Variants in ASIP observed in about 807,000 individuals in gnomAD.
ASIP encodes the protein agouti signaling protein, also known as agouti-signaling protein.
Under a neutral mutation model 10.3 loss-of-function variants are expected in ASIP, and 11 were observed. That is an observed-to-expected ratio of 1.07 (90% confidence interval 0.68 to 1.78). ASIP has a LOEUF of 1.78. Among genes scored for constraint, ASIP ranks in the 40% most tolerant of loss-of-function variants. The probability of loss-of-function intolerance (pLI) is 0.00; values close to 1 mark genes in which losing one functional copy is unlikely to be tolerated. For missense variants in ASIP, 180 were observed against 169.2 expected, an observed-to-expected ratio of 1.06 and a Z score of -0.35; for synonymous variants, 70 against 70.8, an observed-to-expected ratio of 0.99 and a Z score of 0.06.
At chr20:34,251,959 A>G (rs1254392342) in intron 1 of ASIP, among the ~76,000 whole-genome samples, 1 of 152,220 alleles carries the variant, frequency 6.6e-6, no homozygotes, top group Non-Finnish European at 1.5e-5. Context: ...CACCCAGTCT[A>G]TGATATTTTG....
intron 1 of ASIP, among the ~76,000 whole-genome samples, chr20:34,220,066 G>A (rs143410995): frequency 0.02 from 2,983 of 152,112 alleles, 103 homozygotes; most frequent in African/African-American, 0.068. Context: ...CTCCAGCCTG[G>A]GCGACAGAGC....
intron 1 of ASIP, among the ~76,000 whole-genome samples, chr20:34,206,385 T>G (rs766790434): frequency 2.6e-5 from 4 of 152,196 alleles, no homozygotes; most frequent in Non-Finnish European, 5.9e-5. Context: ...ACCATTCCAT[T>G]CACTACCTTT....
At chr20:34,254,869 A>G (rs2035541912) in intron 1 of ASIP, among the ~76,000 whole-genome samples, 2 of 152,056 alleles carry the variant, frequency 1.3e-5, no homozygotes, top group Admixed American at 1.3e-4. Flanking sequence ...CTTTCTCCCT[A>G]TTATACCCAA....
intron 1 of ASIP, among the ~76,000 whole-genome samples, chr20:34,205,158 G>C (rs976242092): frequency 6.6e-6 from 1 of 152,208 alleles, no homozygotes; most frequent in Non-Finnish European, 1.5e-5. Context: ...TGGTGTGTCC[G>C]GAGTTTGTTC....
intron 1 of ASIP, among the ~76,000 whole-genome samples, chr20:34,206,316 C>T (rs1442373760): frequency 6.6e-6 from 1 of 152,134 alleles, no homozygotes; most frequent in Non-Finnish European, 1.5e-5. Context: ...TTTTTGTATT[C>T]ATTAACCAAC....
At position 34,218,298 on chromosome 20, in the gene ASIP, G is replaced by A. The variant is rs79454833; in HGVS notation, c.-11+23538G>A. Among the ~76,000 whole-genome samples the A allele has an allele frequency of 4.5e-4, 69 of 152,276 alleles. No homozygotes were observed. In the East Asian group the frequency reaches 9.6e-3, roughly 21 times the overall value. ...AAAAACTCCCACAAATCCTCAGATT[G>A]GAATGACAGAGCCCACAAGCAGGAT... On this transcript the variant is annotated intron_variant, in intron 1 of 3. Coordinates refer to the ASIP transcript ENST00000568305.
chr20:34,220,038 C>T (rs1427446320), intron 1 of ASIP, among the ~76,000 whole-genome samples: 3 of 151,692 alleles, frequency 2.0e-5, no homozygotes, highest in Admixed American at 1.3e-4. Context: ...TGCAGTGAGC[C>T]GAGATCGTGC....
At chr20:34,227,408 G>A (rs746583750) in intron 1 of ASIP, among the ~76,000 whole-genome samples, 39 of 152,082 alleles carry the variant, frequency 2.6e-4, no homozygotes, top group Non-Finnish European at 4.4e-4. Context: ...CGAGGCAGGC[G>A]GATCACGAGG....
rs187637909 is a variant in ASIP, at chr20:34,259,049, T to A, written c.-10-1316T>A. 5.4e-3 allele frequency among the ~76,000 whole-genome samples: 800 copies of A among 148,506 alleles called. 5 individuals carry two copies. The highest frequency in any genetic ancestry group is 0.018 in the African/African-American group (727 of 40,384). ...GAGCCTTCATCCCTACAAAAAAAAA[T>A]TTTTTTTTAAATTAGCCAGGTGTGT... is the stretch of plus-strand genomic sequence containing the variant. On this transcript the variant is annotated intron_variant, in intron 1 of 3. Coordinates refer to ENST00000374954, the MANE Select transcript of ASIP (RefSeq NM_001672.3).
At chr20:34,257,203 C>T (rs1366562827) in intron 1 of ASIP, among the ~76,000 whole-genome samples, 1 of 152,004 alleles carries the variant, frequency 6.6e-6, no homozygotes, top group African/African-American at 2.4e-5. Context: ...CCTGCCTCAG[C>T]CTCCTGAGTA....
At chr20:34,201,030 T>C (rs1223773226) in intron 1 of ASIP, among the ~76,000 whole-genome samples, 1 of 98,478 alleles carries the variant, frequency 1.0e-5, no homozygotes, top group African/African-American at 5.4e-5. Flanking sequence ...CTTTCTTTCT[T>C]TCTTTCTTTC....
At chr20:34,244,813 T>C (rs1263968130) in intron 1 of ASIP, among the ~76,000 whole-genome samples, 2 of 152,196 alleles carry the variant, frequency 1.3e-5, no homozygotes, top group African/African-American at 4.8e-5. Flanking sequence ...CAGTATGTTA[T>C]TGTGCCCGTA....
chr20:34,215,423 C>T (rs2035001028), intron 1 of ASIP: 1 of 1,535,206 alleles, frequency 6.5e-7, no homozygotes, highest in Non-Finnish European at 9.0e-7. Flanking sequence ...TGCACCACAT[C>T]ACGATCCACC....
At chr20:34,215,502 TGA>T in intron 1 of ASIP, 1 of 1,532,142 alleles carries the variant, frequency 6.5e-7, no homozygotes, top group Non-Finnish European at 9.0e-7. Flanking sequence ...GGTCCACTAC[TGA>T]GAGAATGTCA....
At chr20:34,215,633 A>C in intron 1 of ASIP, 1 of 1,482,034 alleles carries the variant, frequency 6.7e-7, no homozygotes, top group Non-Finnish European at 9.4e-7. Flanking sequence ...CTGAGCTTGC[A>C]GCCATGATAT....
intron 1 of ASIP, among the ~76,000 whole-genome samples, chr20:34,212,636 A>G (rs1157523623): frequency 6.6e-6 from 1 of 152,142 alleles, no homozygotes; most frequent in Non-Finnish European, 1.5e-5. Context: ...ATCTCCTTTA[A>G]TCTGGAGCAG....
intron 1 of ASIP, among the ~76,000 whole-genome samples, chr20:34,211,667 T>C (rs1488925995): frequency 6.6e-6 from 1 of 152,254 alleles, no homozygotes; most frequent in East Asian, 1.9e-4. Flanking sequence ...ATGTTTTTGC[T>C]GAATGTAGAA....
intron 1 of ASIP, among the ~76,000 whole-genome samples, chr20:34,207,157 C>G (rs1287659633): frequency 6.6e-6 from 1 of 152,156 alleles, no homozygotes; most frequent in Admixed American, 6.5e-5. Context: ...GCATCCTTAC[C>G]AGCATTTGTT....
At chr20:34,242,080 T>A (rs1225306372) in intron 1 of ASIP, among the ~76,000 whole-genome samples, 1 of 152,118 alleles carries the variant, frequency 6.6e-6, no homozygotes, top group Non-Finnish European at 1.5e-5. Flanking sequence ...TGTAGGTGAG[T>A]TCGCTCTGCT....
Sources: gnomAD v4.1 joint callset for allele counts (sites outside exome capture counted in the v4.1 genomes callset) on GRCh38, gnomAD v4.1.1 for gene constraint, MANE v1.5 for transcripts, NCBI Gene and HGNC (gene_info 2026-07-23, HGNC 2026-07-21) for gene names.